TNS3: variants seen among roughly 807,000 people sequenced by gnomAD.
TNS3 encodes tensin 3, also known as tensin-3.
TNS3 carries 45 observed loss-of-function variants against 140.9 expected under a neutral mutation model. The ratio of observed to expected loss-of-function variants is 0.32; its 90% CI spans 0.25 to 0.41. The LOEUF (loss-of-function observed/expected upper bound fraction) is 0.41. Ranked by LOEUF, TNS3 falls within the 10% of genes least tolerant of loss-of-function variation. The probability of loss-of-function intolerance (pLI) is 1.00; values close to 1 mark genes in which losing one functional copy is unlikely to be tolerated. For synonymous variants in TNS3, 815 were observed against 788.4 expected (o/e 1.03, Z -0.56); for missense variants, 1,716 against 1,906.7 (o/e 0.90, Z 1.86).
chr7:47,559,006 G>A (rs1185855140), intron 1 of TNS3, among the ~76,000 whole-genome samples: 1 of 152,176 alleles, frequency 6.6e-6, no homozygotes, highest in African/African-American at 2.4e-5. Context: ...CAACGCCCGT[G>A]TATATAGACC....
In TNS3 at chr7:47,392,121, G is replaced by A. The variant is rs149095281; in HGVS notation, c.1024+4679C>T. Among the ~76,000 whole-genome samples the A allele has an allele frequency of 6.0e-4, 92 of 152,252 alleles. 1 individual carries two copies. In the East Asian group the frequency reaches 0.012, roughly 19 times the overall value. ...CCGGCAGGCAGCCACACTGTGTGCCGCGAGATATTCTTCCCTCTCCTCAGG... is the reference window on the plus strand; with the variant it reads ...CCGGCAGGCAGCCACACTGTGTGCCACGAGATATTCTTCCCTCTCCTCAGG... On this transcript the variant is annotated intron_variant, in intron 16 of 30. Transcript: ENST00000311160.
intron 8 of TNS3, among the ~76,000 whole-genome samples, chr7:47,432,960 C>T (rs1231009988): frequency 1.1e-4 from 17 of 152,176 alleles, no homozygotes; most frequent in Admixed American, 1.1e-3. Flanking sequence ...GTATTCTTCA[C>T]CATGGACTCA....
At chr7:47,576,306 T>C (rs1800674039) in intron 1 of TNS3, among the ~76,000 whole-genome samples, 1 of 151,998 alleles carries the variant, frequency 6.6e-6, no homozygotes, top group Non-Finnish European at 1.5e-5. Context: ...AAACCCCACG[T>C]GGCTCCCACC....
intron 8 of TNS3, among the ~76,000 whole-genome samples, chr7:47,428,634 G>A (rs751887162): frequency 5.3e-5 from 8 of 152,152 alleles, no homozygotes; most frequent in Non-Finnish European, 8.8e-5. Flanking sequence ...CAGGAGGGCT[G>A]ACCAACACAG....
chr7:47,427,136 A>C (rs1275571198), intron 9 of TNS3, among the ~76,000 whole-genome samples: 11 of 151,684 alleles, frequency 7.3e-5, no homozygotes, highest in Admixed American at 5.9e-4. Context: ...AAAAAAAAAA[A>C]AAAAAAAAAC....
In TNS3 at chr7:47,292,965, G is replaced by T. The variant is rs1284503439; in HGVS notation, c.3773-60C>A. On this transcript the variant is annotated intron_variant, in intron 25 of 30. Coordinates refer to ENST00000311160, the MANE Select transcript of TNS3 (RefSeq NM_022748.12). ...AACTGCTGTAGATGTTGTGTGCTCA[G>T]CCAATTTATCAGCTGGAATGAAACG... is the stretch of plus-strand genomic sequence containing the variant. 2.7e-6 allele frequency: 4 copies of T among 1,475,514 alleles called. No homozygotes were observed. The African/African-American group carries it at 4.2e-5, about 15-fold the overall frequency. The allele number at this position is 1,475,514 out of a possible 1,614,324, so 91.4% of individuals were successfully genotyped here.
At chr7:47,447,685 G>C (rs1013258122) in intron 4 of TNS3, among the ~76,000 whole-genome samples, 5 of 152,100 alleles carry the variant, frequency 3.3e-5, no homozygotes, top group Admixed American at 6.5e-5. Context: ...CCTCCTGCAG[G>C]GCGCCATCCT....
At chr7:47,412,198 C>A (rs141867382) in intron 12 of TNS3, among the ~76,000 whole-genome samples, 1 of 152,330 alleles carries the variant, frequency 6.6e-6, no homozygotes, top group African/African-American at 2.4e-5. Context: ...GTGACAACAG[C>A]TCTTTGTGAG....
intron 3 of TNS3, among the ~76,000 whole-genome samples, chr7:47,501,878 TGAGA>T (rs932676481): frequency 6.6e-6 from 1 of 151,962 alleles, no homozygotes; most frequent in African/African-American, 2.4e-5. Flanking sequence ...CATCATTTCA[TGAGA>T]GAGAAATAGA....
intron 20 of TNS3, among the ~76,000 whole-genome samples, chr7:47,312,233 A>G (rs1432333861): frequency 6.6e-6 from 1 of 152,228 alleles, no homozygotes; most frequent in Admixed American, 6.5e-5. Context: ...TATGGCCCAC[A>G]GGAAATGTCC....
chr7:47,450,965 C>G (rs1423185455), intron 4 of TNS3, among the ~76,000 whole-genome samples: 1 of 152,154 alleles, frequency 6.6e-6, no homozygotes, highest in Admixed American at 6.5e-5. Context: ...GAAACCCCGT[C>G]TCTACTAAAA....
At chr7:47,499,012 G>A (rs886632358) in intron 3 of TNS3, among the ~76,000 whole-genome samples, 1 of 152,260 alleles carries the variant, frequency 6.6e-6, no homozygotes, top group Non-Finnish European at 1.5e-5. Context: ...GTCCAAGAAA[G>A]GCCTAGAAGT....
At chr7:47,563,462 G>A (rs1426506469) in intron 1 of TNS3, among the ~76,000 whole-genome samples, 2 of 152,164 alleles carry the variant, frequency 1.3e-5, no homozygotes, top group African/African-American at 4.8e-5. Flanking sequence ...CAACCATGGG[G>A]CAGGACTCAC....
intron 1 of TNS3, among the ~76,000 whole-genome samples, chr7:47,569,521 G>C (rs1196186826): frequency 6.6e-6 from 1 of 151,506 alleles, no homozygotes; most frequent in Non-Finnish European, 1.5e-5. Flanking sequence ...TCCAGCCTGG[G>C]CAACAGAGTG....
chr7:47,336,548 G>T (rs566008950), intron 20 of TNS3, among the ~76,000 whole-genome samples: 1 of 152,140 alleles, frequency 6.6e-6, no homozygotes, highest in Admixed American at 6.5e-5. Context: ...TTGAAGAATC[G>T]CTTGTTTGTG....
In TNS3 at chr7:47,506,475, G is replaced by A. The variant is rs547645235; in HGVS notation, c.-115+432C>T. ...CTTACTCCAGGGTTCCCAGGTTTCC[G>A]TGGCAGCTGAAAACCCCAATCCGTC... On this transcript the variant is annotated intron_variant, in intron 3 of 30. Transcript: ENST00000311160. Among the ~76,000 whole-genome samples, 42 of 151,980 alleles carry A rather than the reference G, an allele frequency of 2.8e-4. No homozygotes were observed. In the South Asian group the frequency reaches 4.6e-3, roughly 17 times the overall value.
chr7:47,572,531 A>C (rs1233243363), intron 1 of TNS3, among the ~76,000 whole-genome samples: 10 of 145,380 alleles, frequency 6.9e-5, no homozygotes, highest in Middle Eastern at 3.4e-3. Context: ...GCTCTCGATG[A>C]CCTATGTTTT....
intron 4 of TNS3, among the ~76,000 whole-genome samples, chr7:47,458,054 C>T (rs1358769610): frequency 2.6e-5 from 4 of 152,322 alleles, no homozygotes; most frequent in Non-Finnish European, 4.4e-5. Flanking sequence ...TGAGACAGTA[C>T]GTCTCATGCC....
chr7:47,294,327 C>T (rs2150632255), intron 24 of TNS3, among the ~76,000 whole-genome samples: 1 of 152,306 alleles, frequency 6.6e-6, no homozygotes, highest in Non-Finnish European at 1.5e-5. Context: ...AAAGCAAGCA[C>T]TCAGCTGCAC....
Sources: gnomAD v4.1 joint callset for allele counts (sites outside exome capture counted in the v4.1 genomes callset) on GRCh38, gnomAD v4.1.1 for gene constraint, MANE v1.5 for transcripts, NCBI Gene and HGNC (gene_info 2026-07-23, HGNC 2026-07-21) for gene names.